The following JKAMP variants were observed in gnomAD, a reference collection of about 807,000 sequenced individuals.
JKAMP encodes the protein JNK1/MAPK8-associated membrane protein.
In JKAMP, 20 loss-of-function variants were observed where a neutral mutation model predicts 40.2. The ratio of observed to expected loss-of-function variants is 0.50; its 90% CI spans 0.35 to 0.72. JKAMP has a LOEUF of 0.72. Ranked by LOEUF, JKAMP falls within the 30% of genes least tolerant of loss-of-function variation. The pLI, the probability that JKAMP is intolerant of heterozygous loss-of-function variation, is 0.01. For synonymous variants in JKAMP, 138 were observed against 131.6 expected (o/e 1.05, Z -0.33); for missense variants, 276 against 373.0 (o/e 0.74, Z 2.14).
intron 5 of JKAMP, among the ~76,000 whole-genome samples, chr14:59,500,398 C>T (rs1404525921): frequency 2.6e-5 from 4 of 151,992 alleles, no homozygotes; most frequent in African/African-American, 9.7e-5. Context: ...AAGTTTTTTT[C>T]TCAATTTGTC....
chr14:59,498,688 A>G (rs755707083), intron 4 of JKAMP, 39 bp from the exon 5 acceptor site: 2 of 1,126,204 alleles, frequency 1.8e-6, no homozygotes, highest in South Asian at 1.5e-5. Context: ...CATTTTTAAA[A>G]CATTTTTGAT....
At chr14:59,488,021 G>A (rs1890712200) in intron 3 of JKAMP, among the ~76,000 whole-genome samples, 193 bp downstream of exon 3, 1 of 152,108 alleles carries the variant, frequency 6.6e-6, no homozygotes, top group Non-Finnish European at 1.5e-5. Context: ...TAAGGGAACT[G>A]TCCTTAGTCT....
At position 59,503,972 on chromosome 14, in the gene JKAMP, C is replaced by T; in HGVS notation, c.836C>T (p.Pro279Leu). ...SRVDKLEQDL[P>L]LLALVPTPAL... ...GTGGATAAACTTGAGCAAGATTTGC[C>T]CCTTTTGGCTTTGGTACCTACACCA... Residue 279 changes from proline to leucine, a missense_variant, in exon 7 of 7, where the codon CCC (proline) becomes CTC (leucine). Transcript: ENST00000616435. The T allele has an allele frequency of 6.2e-7, 1 of 1,613,540 alleles. No homozygotes were observed. Among genetic ancestry groups the T allele is most frequent in the Non-Finnish European group, 8.5e-7 (1 of 1,179,654 alleles).
chr14:59,502,755 T>TGTTTTTTTTTTTTGTTTTTG (rs67189643), intron 6 of JKAMP, among the ~76,000 whole-genome samples: 5 of 122,918 alleles, frequency 4.1e-5, no homozygotes, highest in African/African-American at 1.2e-4. Context: ...ATGAGATTTT[T>TGTTTTTTTTTTTTGTTTTTG]TTTTTTTTTT....
intron 1 of JKAMP, among the ~76,000 whole-genome samples, chr14:59,486,263 G>A (rs993063014): frequency 3.3e-5 from 5 of 152,222 alleles, no homozygotes; most frequent in Non-Finnish European, 5.9e-5. Context: ...ATGTGAAAAT[G>A]TGTTCTGTTA....
chr14:59,494,695 A>G (rs1891303680), intron 3 of JKAMP, among the ~76,000 whole-genome samples: 1 of 152,176 alleles, frequency 6.6e-6, no homozygotes, highest in African/African-American at 2.4e-5. Flanking sequence ...TAATTACTAT[A>G]CTTTCTAACA....
chr14:59,489,579 C>G (rs1021177035), intron 3 of JKAMP, among the ~76,000 whole-genome samples: 6 of 152,242 alleles, frequency 3.9e-5, no homozygotes, highest in African/African-American at 1.4e-4. Context: ...CACTTTCAGC[C>G]TCTGTCTGGT....
chr14:59,494,912 T>C, intron 3 of JKAMP, 106 bp from the exon 4 acceptor site: 1 of 783,466 alleles, frequency 1.3e-6, no homozygotes, highest in African/African-American at 1.8e-5. Flanking sequence ...GTTTTTGACT[T>C]TTCTTATAGA....
chr14:59,501,362 T>C, intron 6 of JKAMP, 95 bp downstream of exon 6: 1 of 761,652 alleles, frequency 1.3e-6, no homozygotes, highest in South Asian at 1.8e-5. Flanking sequence ...GTACAACTAA[T>C]TGTTTTAGTA....
At chr14:59,497,225 C>G (rs1469103826) in intron 4 of JKAMP, among the ~76,000 whole-genome samples, 2 of 151,880 alleles carry the variant, frequency 1.3e-5, no homozygotes, top group Non-Finnish European at 2.9e-5. Flanking sequence ...TAACTTACTG[C>G]AAAAAAATAA....
chr14:59,503,273 T>C (rs1892078349), intron 6 of JKAMP, among the ~76,000 whole-genome samples: 1 of 152,168 alleles, frequency 6.6e-6, no homozygotes, highest in Non-Finnish European at 1.5e-5. Flanking sequence ...TGTTGCAAAT[T>C]ACGTTTTAAT....
chr14:59,489,850 G>T (rs1890855227), intron 3 of JKAMP, among the ~76,000 whole-genome samples: 1 of 151,776 alleles, frequency 6.6e-6, no homozygotes, highest in Admixed American at 6.6e-5. Flanking sequence ...AGGCAAAGGG[G>T]AACCACATGG....
chr14:59,484,700 G>C, intron 1 of JKAMP, 107 bp downstream of exon 1: 1 of 1,374,530 alleles, frequency 7.3e-7, no homozygotes, highest in Non-Finnish European at 1.0e-6. Context: ...GGTTGGCGGC[G>C]CAGGCTCGCC....
chr14:59,503,796 A>G (rs1477911042), intron 6 of JKAMP, 58 bp from the exon 7 acceptor site: 5 of 1,006,314 alleles, frequency 5.0e-6, no homozygotes, highest in Non-Finnish European at 7.6e-6. Flanking sequence ...TAAATTACCC[A>G]GCTGACTTAG....
intron 4 of JKAMP, among the ~76,000 whole-genome samples, chr14:59,496,086 T>TAG (rs1891420531): frequency 6.6e-6 from 1 of 152,144 alleles, no homozygotes; most frequent in South Asian, 2.1e-4. Flanking sequence ...GTATTTTTAG[T>TAG]AGAGAGACGG....
At chr14:59,495,968 A>T (rs774786689) in intron 4 of JKAMP, among the ~76,000 whole-genome samples, 1 of 152,206 alleles carries the variant, frequency 6.6e-6, no homozygotes, top group Non-Finnish European at 1.5e-5. Flanking sequence ...GTGGCACGAG[A>T]TCTCAGCTCA....
chr14:59,503,347 T>A (rs1873006187), intron 6 of JKAMP, among the ~76,000 whole-genome samples: 2 of 152,164 alleles, frequency 1.3e-5, no homozygotes, highest in South Asian at 4.1e-4. Flanking sequence ...AGCATACAGG[T>A]GTATTAAGGA....
chr14:59,489,754 G>A (rs1890845985), intron 3 of JKAMP, among the ~76,000 whole-genome samples: 1 of 152,148 alleles, frequency 6.6e-6, no homozygotes, highest in African/African-American at 2.4e-5. Context: ...ATGAAGCATA[G>A]TACTGGCATC....
intron 1 of JKAMP, chr14:59,485,266 T>G (rs1890448541): frequency 2.9e-6 from 2 of 678,254 alleles, no homozygotes; most frequent in South Asian, 2.4e-5. Context: ...ATTCCTTACC[T>G]TCTGCATTCT....
Sources: gnomAD v4.1 joint callset for allele counts (sites outside exome capture counted in the v4.1 genomes callset) on GRCh38, gnomAD v4.1.1 for gene constraint, MANE v1.5 for transcripts, NCBI Gene and HGNC (gene_info 2026-07-23, HGNC 2026-07-21) for gene names.